Variants in RBPJ observed in about 807,000 individuals in gnomAD.
The protein encoded by RBPJ is recombining binding protein suppressor of hairless.
A neutral mutation model predicts 67.8 loss-of-function variants in RBPJ; 9 were observed. The ratio of observed to expected loss-of-function variants is 0.13; its 90% CI spans 0.08 to 0.23. The LOEUF (loss-of-function observed/expected upper bound fraction) is 0.23. RBPJ is among the 10% of genes least tolerant of loss of function. RBPJ has a pLI of 1.00. For synonymous variants in RBPJ, 198 were observed against 203.3 expected (o/e 0.97, Z 0.22); for missense variants, 305 against 595.6 (o/e 0.51, Z 5.08).
intron 1 of RBPJ, among the ~76,000 whole-genome samples, chr4:26,206,038 A>G (rs1179491112): frequency 6.6e-6 from 1 of 152,206 alleles, no homozygotes; most frequent in Non-Finnish European, 1.5e-5. Context: ...TGTGGCATAT[A>G]GTCTTATACC....
At chr4:26,420,862 C>CT (rs1735061189) in intron 5 of RBPJ, 137 bp downstream of exon 5, 1 of 686,970 alleles carries the variant, frequency 1.5e-6, no homozygotes, top group Non-Finnish European at 2.4e-6. Flanking sequence ...TATTGTCTCT[C>CT]TTTTTTTAAT....
At chr4:26,214,227 G>T (rs1718535508) in intron 1 of RBPJ, among the ~76,000 whole-genome samples, 1 of 143,678 alleles carries the variant, frequency 7.0e-6, no homozygotes, top group Admixed American at 7.1e-5. Context: ...GCAAAGGAAG[G>T]AGAGAAAGAA....
upstream of RBPJ, among the ~76,000 whole-genome samples, chr4:26,162,505 C>T (rs901757127): frequency 5.9e-5 from 9 of 152,178 alleles, no homozygotes; most frequent in African/African-American, 1.9e-4. Context: ...GTTACTTTAC[C>T]AAGTGCTTAT....
chr4:26,197,445 G>A (rs1332497602), intron 1 of RBPJ, among the ~76,000 whole-genome samples: 1 of 152,144 alleles, frequency 6.6e-6, no homozygotes, highest in African/African-American at 2.4e-5. Context: ...ATGCAATCAG[G>A]AGAAAGTGGG....
At chr4:26,343,800 GAGTGCAAT>G (rs1725829941) in intron 1 of RBPJ, among the ~76,000 whole-genome samples, 1 of 139,252 alleles carries the variant, frequency 7.2e-6, no homozygotes. Flanking sequence ...GCCCAGACTG[GAGTGCAAT>G]AGTGTGGTCT....
At chr4:26,409,651 C>G (rs182568711) in intron 3 of RBPJ, among the ~76,000 whole-genome samples, 1 of 152,178 alleles carries the variant, frequency 6.6e-6, no homozygotes, top group Non-Finnish European at 1.5e-5. Context: ...AGGCACCCAC[C>G]ACCACGCACA....
chr4:26,290,151 G>A (rs1577393642), intron 1 of RBPJ, among the ~76,000 whole-genome samples: 2 of 149,336 alleles, frequency 1.3e-5, no homozygotes, highest in South Asian at 4.2e-4. Flanking sequence ...GCAAAACAGC[G>A]AGACCCCACC....
intron 1 of RBPJ, among the ~76,000 whole-genome samples, chr4:26,366,938 A>G (rs1019673359): frequency 6.6e-6 from 1 of 150,766 alleles, no homozygotes; most frequent in South Asian, 2.1e-4. Context: ...AGCCTGGCCA[A>G]TATGGTGAAA....
At chr4:26,389,766 G>A (rs774275203) in intron 2 of RBPJ, among the ~76,000 whole-genome samples, 10 of 151,918 alleles carry the variant, frequency 6.6e-5, no homozygotes, top group Non-Finnish European at 1.5e-4. Flanking sequence ...GAAGAAACAG[G>A]TAACTTGAAT....
At chr4:26,386,032 A>G (rs1317600364) in intron 1 of RBPJ, among the ~76,000 whole-genome samples, 2 of 152,172 alleles carry the variant, frequency 1.3e-5, no homozygotes, top group Non-Finnish European at 1.5e-5. Flanking sequence ...TGCCTGACAC[A>G]TGATAAACTT....
At chr4:26,160,996 C>T (rs576196783), upstream of RBPJ, among the ~76,000 whole-genome samples, 7 of 152,320 alleles carry the variant, frequency 4.6e-5, no homozygotes, top group South Asian at 1.5e-3. Flanking sequence ...AAACATGTTT[C>T]CAGTTACTGT....
chr4:26,329,456 C>T (rs1345435862), intron 1 of RBPJ, among the ~76,000 whole-genome samples: 2 of 152,116 alleles, frequency 1.3e-5, no homozygotes, highest in African/African-American at 4.8e-5. Context: ...ATGTAGGGAA[C>T]TTGGGAATAA....
intron 1 of RBPJ, among the ~76,000 whole-genome samples, chr4:26,239,583 G>A (rs1719565324): frequency 6.6e-6 from 1 of 152,146 alleles, no homozygotes; most frequent in Non-Finnish European, 1.5e-5. Context: ...AGTGACCTCT[G>A]CCTGTACTAA....
chr4:26,404,600 A>G (rs1261053361), intron 2 of RBPJ, among the ~76,000 whole-genome samples: 1 of 152,198 alleles, frequency 6.6e-6, no homozygotes, highest in African/African-American at 2.4e-5. Flanking sequence ...GACAATCAAA[A>G]TGGTGTTAGC....
intron 1 of RBPJ, among the ~76,000 whole-genome samples, chr4:26,286,472 CAAAAAAAA>C (rs57556548): frequency 2.2e-4 from 22 of 99,478 alleles, no homozygotes; most frequent in Admixed American, 4.9e-4. Flanking sequence ...GACCCTGCCT[CAAAAAAAA>C]AAAAAAAAAA....
At chr4:26,406,765 T>C (rs1343066779) in intron 3 of RBPJ, among the ~76,000 whole-genome samples, 2 of 152,128 alleles carry the variant, frequency 1.3e-5, no homozygotes, top group African/African-American at 4.8e-5. Flanking sequence ...TTACAAAAGG[T>C]TTAAGAAAGC....
intron 7 of RBPJ, among the ~76,000 whole-genome samples, chr4:26,425,171 A>G (rs1293599745): frequency 6.6e-6 from 1 of 152,220 alleles, no homozygotes; most frequent in Non-Finnish European, 1.5e-5. Flanking sequence ...CTTTTGAAAT[A>G]TAAGCGTAAT....
At chr4:26,306,570 C>G (rs926871196) in intron 1 of RBPJ, among the ~76,000 whole-genome samples, 29 of 152,020 alleles carry the variant, frequency 1.9e-4, no homozygotes, top group African/African-American at 6.5e-4. Context: ...CTGCCTCAGC[C>G]TCCCGAGTAG....
At chr4:26,197,207 G>A (rs17700081) in intron 1 of RBPJ, among the ~76,000 whole-genome samples, 21,970 of 152,092 alleles carry the variant, frequency 0.14, 1,919 homozygotes, top group Middle Eastern at 0.22. Flanking sequence ...ACCAGTGCTC[G>A]GTTGTCCTAG....
Sources: allele counts gnomAD v4.1 joint callset (sites outside exome capture counted in the v4.1 genomes callset), GRCh38; gene constraint gnomAD v4.1.1; transcripts MANE v1.5; gene names NCBI Gene and HGNC (gene_info 2026-07-23, HGNC 2026-07-21).